Variants in SPATC1 observed in about 807,000 individuals in gnomAD.
SPATC1 encodes the protein speriolin.
A neutral mutation model predicts 36.5 loss-of-function variants in SPATC1; 35 were observed. The ratio of observed to expected loss-of-function variants is 0.96; its 90% CI spans 0.73 to 1.27. The LOEUF (loss-of-function observed/expected upper bound fraction) is 1.27, where lower values mean the gene tolerates loss of function less well. SPATC1 is among the 50% of genes most tolerant of loss of function. The pLI is 0.00. For missense variants in SPATC1, 779 were observed against 796.0 expected, an observed-to-expected ratio of 0.98 and a Z score of 0.26; for synonymous variants, 361 against 353.6, an observed-to-expected ratio of 1.02 and a Z score of -0.24.
At chr8:144,011,037 G>GTCTAATAGACA (rs1257470949), upstream of SPATC1, among the ~76,000 whole-genome samples, 26 of 151,616 alleles carry the variant, frequency 1.7e-4, no homozygotes, top group Non-Finnish European at 1.2e-4. This position sits in a 1 kb window ranked among gnomAD's most constrained non-coding sequence, Gnocchi z 4.5. Context: ...TCTATTAGAC[G>GTCTAATAGACA]TCTAATAGAC....
Position 144,023,777 on chromosome 8 carries a change from TCCCTCTTCCCTC to T in SPATC1, c.211+11052_211+11063del, listed in dbSNP as rs2133113539. Among the ~76,000 whole-genome samples, 79 of 17,482 alleles carry T rather than the reference TCCCTCTTCCCTC, an allele frequency of 4.5e-3. 39 individuals are homozygous for T. The highest frequency in any genetic ancestry group is 7.9e-3 in the East Asian group (4 of 508). 11.5% of individuals were successfully genotyped at this position (17,482 alleles called of 152,430 possible). A position where few individuals can be genotyped will look rare whatever the true frequency, so the allele number is the denominator to read the frequency against. On this transcript the variant is annotated intron_variant, in intron 1 of 4. Coordinates refer to ENST00000377470, the MANE Select transcript of SPATC1 (RefSeq NM_198572.3). The stretch of plus-strand genomic sequence containing the variant: ...TTCCTTCAGAACCCTTTCCCTAAGG[TCCCTCTTCCCTC>T]AGAACCCTCTAGAACCCTGTCCCTG...
rs555446928 is a variant in SPATC1, at chr8:144,046,245, G to A, written c.1447-382G>A. Reference sequence around the variant, plus strand: ...CCTGGGAAAGACCCCAGACTCCTGGGTCAGGGGACCCTGTGCACCTCCAGA... The same window carrying A: ...CCTGGGAAAGACCCCAGACTCCTGGATCAGGGGACCCTGTGCACCTCCAGA... On this transcript the variant is annotated intron_variant, in intron 4 of 4. Transcript: ENST00000377470. This position sits in a 1 kb window ranked among gnomAD's most constrained non-coding sequence, Gnocchi z 6.6. Among the ~76,000 whole-genome samples, 4 of 152,252 alleles carry A rather than the reference G, an allele frequency of 2.6e-5. No homozygotes were observed. Among genetic ancestry groups the A allele is most frequent in the Middle Eastern group, 3.4e-3 (1 of 294 alleles).
chr8:144,040,905 G>A lies in SPATC1; in HGVS notation c.1104G>A (p.Met368Ile). 1 of 1,585,138 alleles carries A rather than the reference G, an allele frequency of 6.3e-7. No homozygotes were observed. The highest frequency in any genetic ancestry group is 8.6e-7 in the Non-Finnish European group (1 of 1,164,370). ...AQGAPHPPSR[M>I]HNSPTQNLPV... The stretch of plus-strand genomic sequence containing the variant: ...GTGCCCCCCATCCCCCTTCCCGAAT[G>A]CATAATTCCCCAACCCAGAACCTGC... The change falls in exon 3 of 5, where the codon ATG (methionine) becomes ATA (isoleucine). Residue 368 changes from methionine to isoleucine, a missense_variant. Coordinates refer to ENST00000377470, the MANE Select transcript of SPATC1 (RefSeq NM_198572.3).
rs150469923 is a variant in SPATC1 at position 144,046,224 on chromosome 8, G to T, written c.1447-403G>T. On this transcript the variant is annotated intron_variant, in intron 4 of 4. Coordinates refer to ENST00000377470, the MANE Select transcript of SPATC1 (RefSeq NM_198572.3). This position sits in a 1 kb window ranked among gnomAD's most constrained non-coding sequence, Gnocchi z 6.6. ...GAGCACGGAGCCAGGAGGAGGCCTG[G>T]GAAAGACCCCAGACTCCTGGGTCAG... 6.6e-6 allele frequency among the ~76,000 whole-genome samples: 1 copy of T among 152,228 alleles called. No homozygotes were observed. Among genetic ancestry groups the T allele is most frequent in the East Asian group, 1.9e-4 (1 of 5,184 alleles).
chr8:144,028,861 A>C (rs1426457470), intron 1 of SPATC1, among the ~76,000 whole-genome samples: 1 of 152,200 alleles, frequency 6.6e-6, no homozygotes, highest in African/African-American at 2.4e-5. Context: ...ATACCATGGA[A>C]TATTATGCCA....
chr8:144,047,049 C>A lies in SPATC1; in HGVS notation c.*93C>A. Reference sequence around the variant, plus strand: ...CAGACACTGGTCGCTGGGCCTGTGCCAGCGCTCCTGGGTGGTGCTGCCTCC... The same window carrying A: ...CAGACACTGGTCGCTGGGCCTGTGCAAGCGCTCCTGGGTGGTGCTGCCTCC... On this transcript the variant is annotated 3_prime_UTR_variant, in exon 5 of 5. Coordinates refer to ENST00000377470, the MANE Select transcript of SPATC1 (RefSeq NM_198572.3). The surrounding 1 kb of genome is among the most constrained non-coding windows in gnomAD (Gnocchi z 4.1). The A allele has an allele frequency of 6.9e-7, 1 of 1,449,246 alleles. No individual in the cohort carries two copies. The highest frequency in any genetic ancestry group is 1.3e-5 in the South Asian group (1 of 76,074). The allele number at this position is 1,449,246 out of a possible 1,614,324, so 89.8% of individuals were successfully genotyped here.
rs1275558043 is a variant in SPATC1, at chr8:144,012,480, C to G, written c.-36C>G. On this transcript the variant is annotated 5_prime_UTR_variant, in exon 1 of 5. Transcript: ENST00000377470. ...CTGGGCAGCCTCCAGGTGCAGTGCC[C>G]TCCCGTGGGCCGCACCCTTGCCACT... 6.5e-7 allele frequency: 1 copy of G among 1,543,410 alleles called. No homozygotes were observed. Among genetic ancestry groups the G allele is most frequent in the Non-Finnish European group, 8.8e-7 (1 of 1,139,714 alleles).
intron 1 of SPATC1, among the ~76,000 whole-genome samples, chr8:144,026,478 A>G (rs1834680100): frequency 1.3e-5 from 2 of 152,270 alleles, no homozygotes; most frequent in South Asian, 4.1e-4. Flanking sequence ...GAGTAGAATT[A>G]CTGGGTCATA....
Position 144,040,590 on chromosome 8 carries a change from CCA to C in SPATC1, c.790_791del (p.Gln264ValfsTer106). ...TKVPLSTEPPQSTQDPEPLSM... is the reference protein window; with the variant it reads ...TKVPLSTEPPXSTQDPEPLSM... The stretch of plus-strand genomic sequence containing the variant: ...TAGTCCCACTCTCCACTGAGCCCCC[CCA>C]GTCGACCCAGGACCCAGAGCCTCTC... On this transcript the variant is annotated frameshift_variant, in exon 3 of 5. Transcript: ENST00000377470. LOFTEE classifies it high-confidence loss of function. 1 of 1,599,174 alleles carries C rather than the reference CCA, an allele frequency of 6.3e-7. No homozygotes were observed. The highest frequency in any genetic ancestry group is 8.5e-7 in the Non-Finnish European group (1 of 1,172,702).
intron 1 of SPATC1, among the ~76,000 whole-genome samples, chr8:144,035,831 C>A (rs1438912262): frequency 3.9e-5 from 6 of 152,250 alleles, no homozygotes; most frequent in African/African-American, 1.4e-4. Context: ...TGGCCCCTGA[C>A]TGCCTCTCCC....
chr8:144,030,903 C>T (rs1446230318), intron 1 of SPATC1, among the ~76,000 whole-genome samples: 1 of 152,086 alleles, frequency 6.6e-6, no homozygotes, highest in Non-Finnish European at 1.5e-5. Context: ...AATATACATA[C>T]AGTATATAAA....
At chr8:144,021,205 C>T (rs1276018356) in intron 1 of SPATC1, among the ~76,000 whole-genome samples, 2 of 13,644 alleles carry the variant, frequency 1.5e-4, no homozygotes, top group African/African-American at 4.8e-4. Context: ...CCCTTAGAAC[C>T]CCCTCCCCTC....
In SPATC1 at chr8:144,012,634, C is replaced by T. The variant is rs376466004; in HGVS notation, c.119C>T (p.Ala40Val). Residue 40 changes from alanine to valine, a missense_variant, in exon 1 of 5, where the codon GCG becomes GTG. Physicochemically the swap from Ala to Val is moderately conservative, Grantham distance 64. Transcript: ENST00000377470. ...CGGGAGAATCACGAGCTCAAGTCAG[C>T]GATCAAGACTCAGGCAGGCGGGCTC... ...LIRENHELKS[A>V]IKTQAGGLGI... 2.4e-4 allele frequency: 373 copies of T among 1,551,694 alleles called. 2 individuals are homozygous for T. The African/African-American group carries it at 4.4e-3, about 18-fold the overall frequency.
chr8:144,035,501 T>C (rs1338757574), intron 1 of SPATC1, among the ~76,000 whole-genome samples: 7 of 152,242 alleles, frequency 4.6e-5, no homozygotes, highest in African/African-American at 1.7e-4. Context: ...GGAGTCCCCG[T>C]GGCTTCTGCT....
At chr8:144,024,705 T>G (rs1834637707) in intron 1 of SPATC1, among the ~76,000 whole-genome samples, 1 of 142,886 alleles carries the variant, frequency 7.0e-6, no homozygotes, top group East Asian at 2.2e-4. Flanking sequence ...AGGACCCTTT[T>G]CCCTGAAGGC....
chr8:144,041,408 G>T, intron 4 of SPATC1, 37 bp downstream of exon 4: 1 of 1,597,392 alleles, frequency 6.3e-7, no homozygotes. Flanking sequence ...CAGGGGGCAG[G>T]TTGGCCCATG....
intron 1 of SPATC1, among the ~76,000 whole-genome samples, chr8:144,033,009 T>C (rs1834828225): frequency 6.7e-6 from 1 of 149,136 alleles, no homozygotes. Context: ...GGGGAGGAGG[T>C]GAATCTCATT....
At chr8:144,026,288 T>C (rs1834676027) in intron 1 of SPATC1, among the ~76,000 whole-genome samples, 1 of 152,232 alleles carries the variant, frequency 6.6e-6, no homozygotes, top group Non-Finnish European at 1.5e-5. Context: ...TTTGTTTTGT[T>C]TCGCTTTTAT....
In SPATC1 at chr8:144,040,662, C is replaced by T. The variant is rs781924384; in HGVS notation, c.861C>T (p.Ile287=). The stretch of plus-strand genomic sequence containing the variant: ...CACCCCTCCAGACCTCCACCCCTAT[C>T]GGAGCCATGGGCACACCTGCTCCCA... The part of the protein sequence containing the change: ...AGAPLQTSTP[I]GAMGTPAPKT... Residue 287 remains isoleucine (I), a synonymous_variant, in exon 3 of 5, where the codon ATC becomes ATT. Coordinates refer to ENST00000377470, the MANE Select transcript of SPATC1 (RefSeq NM_198572.3). 52 of 1,613,604 alleles carry T rather than the reference C, an allele frequency of 3.2e-5. No homozygotes were observed. The highest frequency in any genetic ancestry group is 3.9e-5 in the Non-Finnish European group (46 of 1,179,932).
Sources: allele counts gnomAD v4.1 joint callset (sites outside exome capture counted in the v4.1 genomes callset), GRCh38; gene constraint gnomAD v4.1.1; non-coding constraint Gnocchi (gnomAD v3.1); transcripts MANE v1.5; gene names NCBI Gene and HGNC (gene_info 2026-07-23, HGNC 2026-07-21).